The following LINGO1 variants were observed in gnomAD, a reference collection of about 807,000 sequenced individuals.
LINGO1 encodes the protein leucine rich repeat and Ig domain containing 1.
LINGO1 carries 11 observed loss-of-function variants against 37.3 expected under a neutral mutation model. The ratio of observed to expected loss-of-function variants is 0.29; its 90% CI spans 0.19 to 0.49. LINGO1 has a LOEUF of 0.49. Ranked by LOEUF, LINGO1 falls within the 20% of genes least tolerant of loss-of-function variation. The pLI is 0.99. For missense variants in LINGO1, 585 were observed against 878.2 expected (o/e 0.67, Z 4.22); for synonymous variants, 387 against 403.0 (o/e 0.96, Z 0.48).
At chr15:77,810,346 G>GCACGCGCA (rs149243595) in intron 1 of LINGO1, among the ~76,000 whole-genome samples, 1 of 148,874 alleles carries the variant, frequency 6.7e-6, no homozygotes, top group African/African-American at 2.5e-5. Context: ...ACACACACAT[G>GCACGCGCA]CACACACACA....
intron 1 of LINGO1, among the ~76,000 whole-genome samples, chr15:77,818,810 G>T (rs898026747): frequency 6.6e-6 from 1 of 151,782 alleles, no homozygotes; most frequent in Non-Finnish European, 1.5e-5. Flanking sequence ...GGCCTAGGTG[G>T]GTGTCCCAGA....
At chr15:77,722,740 G>A (rs1303913857) in intron 2 of LINGO1, among the ~76,000 whole-genome samples, 1 of 152,178 alleles carries the variant, frequency 6.6e-6, no homozygotes, top group Non-Finnish European at 1.5e-5. Context: ...ATAACCTGGT[G>A]GTGGTGGAGA....
intron 1 of LINGO1, among the ~76,000 whole-genome samples, chr15:77,772,772 C>T (rs901735864): frequency 2.5e-4 from 38 of 152,022 alleles, no homozygotes; most frequent in Admixed American, 1.3e-4. Flanking sequence ...CCAGAAAAGC[C>T]CTCTTTCCCC....
intron 2 of LINGO1, among the ~76,000 whole-genome samples, chr15:77,731,833 C>T (rs550716272): frequency 6.6e-6 from 1 of 152,286 alleles, no homozygotes; most frequent in South Asian, 2.1e-4. Flanking sequence ...CACCCAGCTC[C>T]CTCCTGTCCA....
At chr15:77,790,238 C>T (rs1468656053), upstream of LINGO1, among the ~76,000 whole-genome samples, 1 of 152,224 alleles carries the variant, frequency 6.6e-6, no homozygotes, top group Non-Finnish European at 1.5e-5. Flanking sequence ...GGACACTGGA[C>T]ACACCCCTGC....
intron 2 of LINGO1, among the ~76,000 whole-genome samples, chr15:77,733,977 T>A (rs1221213285): frequency 2.0e-5 from 3 of 152,230 alleles, no homozygotes; most frequent in Admixed American, 2.0e-4. Context: ...CTTGGCCTTC[T>A]ACACACGACA....
rs190128194 is a variant in LINGO1, at chr15:77,614,296, G to A, written c.1611C>T (p.Gly537=). 26 of 1,613,976 alleles carry A rather than the reference G, an allele frequency of 1.6e-5. No individual in the cohort carries two copies. The highest frequency in any genetic ancestry group is 7.7e-5 in the South Asian group (7 of 91,088). The change falls in exon 2 of 2, where the codon GGC becomes GGT. Residue 537 remains glycine, a synonymous_variant. Transcript: ENST00000355300. ...KTFAFISNQP[G]EGEANSTRAT... ...CGCGGGTGCTGTTGGCCTCTCCCTC[G>A]CCCGGCTGGTTGGAGATGAAAGCGA... is the stretch of plus-strand genomic sequence containing the variant.
intron 2 of LINGO1, among the ~76,000 whole-genome samples, chr15:77,681,459 G>C (rs927306773): frequency 1.3e-5 from 2 of 152,166 alleles, no homozygotes; most frequent in African/African-American, 4.8e-5. Context: ...CTCACTCAGG[G>C]AGGAAGGGGT....
At chr15:77,664,170 TGCGCGC>T (rs143405934) in intron 3 of LINGO1, among the ~76,000 whole-genome samples, 1 of 130,946 alleles carries the variant, frequency 7.6e-6, no homozygotes, top group African/African-American at 3.7e-5. Context: ...TGTGTGTGTG[TGCGCGC>T]GCGCATGCGT....
chr15:77,733,207 G>A (rs1286936518), intron 2 of LINGO1, among the ~76,000 whole-genome samples: 1 of 152,240 alleles, frequency 6.6e-6, no homozygotes, highest in African/African-American at 2.4e-5. Flanking sequence ...GCAGCTGAGG[G>A]CAGTTACTGT....
chr15:77,780,959 A>G (rs2076711020), intron 1 of LINGO1, among the ~76,000 whole-genome samples: 4 of 152,180 alleles, frequency 2.6e-5, no homozygotes, highest in Non-Finnish European at 1.5e-5. Context: ...ATGGACTAAG[A>G]TAGATGAAGA....
chr15:77,703,959 A>G (rs2075816880), intron 2 of LINGO1, among the ~76,000 whole-genome samples: 1 of 152,226 alleles, frequency 6.6e-6, no homozygotes, highest in African/African-American at 2.4e-5. Flanking sequence ...CCTCTACCCC[A>G]GGGAGAAATG....
At chr15:77,763,053 C>T (rs1596201359) in intron 1 of LINGO1, among the ~76,000 whole-genome samples, 1 of 152,226 alleles carries the variant, frequency 6.6e-6, no homozygotes, top group Non-Finnish European at 1.5e-5. Context: ...GGTGCCCACC[C>T]CGCCCTCGCC....
chr15:77,782,930 G>A (rs562215743), intron 1 of LINGO1, among the ~76,000 whole-genome samples: 4 of 152,110 alleles, frequency 2.6e-5, no homozygotes, highest in East Asian at 3.9e-4. Flanking sequence ...TCAGCAGGGC[G>A]GCTAAGGCTG....
intron 2 of LINGO1, among the ~76,000 whole-genome samples, chr15:77,707,661 C>T (rs984601176): frequency 6.6e-6 from 1 of 152,222 alleles, no homozygotes; most frequent in Non-Finnish European, 1.5e-5. Flanking sequence ...GAGGCTGAAC[C>T]TATTGGCCTC....
At chr15:77,806,767 C>T (rs1476444382) in intron 1 of LINGO1, among the ~76,000 whole-genome samples, 4 of 152,076 alleles carry the variant, frequency 2.6e-5, no homozygotes, top group African/African-American at 4.8e-5. Context: ...AGGAGGTGAG[C>T]GCCAGGATCT....
At chr15:77,676,010 G>A (rs770137799) in intron 3 of LINGO1, among the ~76,000 whole-genome samples, 2 of 152,226 alleles carry the variant, frequency 1.3e-5, no homozygotes, top group Non-Finnish European at 2.9e-5. Flanking sequence ...GGCCCAACCC[G>A]CCCTGTCCCA....
chr15:77,730,078 G>C (rs193295874), intron 2 of LINGO1, among the ~76,000 whole-genome samples: 1 of 151,930 alleles, frequency 6.6e-6, no homozygotes, highest in Non-Finnish European at 1.5e-5. Context: ...GAGCGTTGTG[G>C]GGGGAGTAGG....
At chr15:77,693,055 TACAC>T (rs1231074874) in intron 1 of LINGO1, among the ~76,000 whole-genome samples, 1 of 152,122 alleles carries the variant, frequency 6.6e-6, no homozygotes, top group African/African-American at 2.4e-5. Flanking sequence ...ATTCCCAGCT[TACAC>T]ACCCATGTGC....
Sources: gnomAD v4.1 joint callset for allele counts (sites outside exome capture counted in the v4.1 genomes callset) on GRCh38, gnomAD v4.1.1 for gene constraint, MANE v1.5 for transcripts, NCBI Gene and HGNC (gene_info 2026-07-23, HGNC 2026-07-21) for gene names.